CSMD1: variants seen among roughly 807,000 people sequenced by gnomAD.
The protein encoded by CSMD1 is CUB and sushi domain-containing protein 1.
In CSMD1, 213 loss-of-function variants were observed where a neutral mutation model predicts 417.5. The ratio of observed to expected loss-of-function variants is 0.51; its 90% CI spans 0.46 to 0.57. CSMD1 has a LOEUF of 0.57. CSMD1 is among the 20% of genes least tolerant of loss of function. CSMD1 has a pLI of 0.00. For missense variants in CSMD1, 6,923 were observed against 4,529.7 expected (o/e 1.53, Z -15.17); for synonymous variants, 2,862 against 1,736.8 (o/e 1.65, Z -16.11).
rs535691437 is a variant in CSMD1, at chr8:3,479,991, A to G, written c.1449-11167T>C. 5.0e-4 allele frequency among the ~76,000 whole-genome samples: 76 copies of G among 152,340 alleles called. 1 individual carries two copies. The highest frequency in any genetic ancestry group is 1.8e-3 in the African/African-American group (75 of 41,584). On this transcript the variant is annotated intron_variant, in intron 11 of 69. Transcript: ENST00000635120. ...TTTGCTTAATATTAAAATTGAAATGAGCAATAATAGAATCAGTGAACTTGA... is the reference window on the plus strand; with the variant it reads ...TTTGCTTAATATTAAAATTGAAATGGGCAATAATAGAATCAGTGAACTTGA...
intron 1 of CSMD1, among the ~76,000 whole-genome samples, chr8:4,978,557 T>C (rs1447833549): frequency 2.0e-5 from 3 of 152,204 alleles, no homozygotes; most frequent in Non-Finnish European, 4.4e-5. Context: ...TTAACTATGT[T>C]TTTCAAATGG....
intron 1 of CSMD1, among the ~76,000 whole-genome samples, chr8:4,886,464 T>C (rs1803747197): frequency 6.6e-6 from 1 of 152,070 alleles, no homozygotes; most frequent in South Asian, 2.1e-4. Context: ...TGTGGATTTC[T>C]TTATGATGTC....
At chr8:3,707,142 T>C (rs1398210242) in intron 7 of CSMD1, among the ~76,000 whole-genome samples, 1 of 152,188 alleles carries the variant, frequency 6.6e-6, no homozygotes, top group African/African-American at 2.4e-5. Context: ...TATGGATTAT[T>C]GTCACACAAG....
At chr8:3,797,199 C>A (rs1368397976) in intron 5 of CSMD1, among the ~76,000 whole-genome samples, 1 of 151,802 alleles carries the variant, frequency 6.6e-6, no homozygotes, top group Admixed American at 6.6e-5. Flanking sequence ...CAAAGAACTT[C>A]AATCTGAAAT....
intron 3 of CSMD1, among the ~76,000 whole-genome samples, chr8:4,099,308 C>A (rs935997816): frequency 2.0e-5 from 3 of 152,072 alleles, no homozygotes; most frequent in African/African-American, 4.8e-5. Context: ...TACTGAATTA[C>A]ATGAAGGAGC....
At chr8:3,813,601 G>A (rs747520027) in intron 5 of CSMD1, among the ~76,000 whole-genome samples, 8 of 152,036 alleles carry the variant, frequency 5.3e-5, no homozygotes, top group Non-Finnish European at 1.0e-4. Context: ...ATTTTAAAAA[G>A]AAATTCTTCA....
chr8:3,823,214 A>G, intron 5 of CSMD1, among the ~76,000 whole-genome samples: 1 of 152,118 alleles, frequency 6.6e-6, no homozygotes, highest in Non-Finnish European at 1.5e-5. Flanking sequence ...TTGGTGGGTT[A>G]TTAGTTTAGG....
chr8:3,244,315 C>A (rs1799737179), intron 26 of CSMD1, among the ~76,000 whole-genome samples: 1 of 152,112 alleles, frequency 6.6e-6, no homozygotes, highest in Admixed American at 6.6e-5. Flanking sequence ...CAGGCTGCGG[C>A]AATTTAGGAA....
At chr8:4,594,591 AAC>A (rs1800160079) in intron 2 of CSMD1, among the ~76,000 whole-genome samples, 1 of 152,178 alleles carries the variant, frequency 6.6e-6, no homozygotes, top group Admixed American at 6.5e-5. Context: ...GGCACAACTT[AAC>A]CCATAACAGG....
intron 28 of CSMD1, among the ~76,000 whole-genome samples, chr8:3,222,216 G>GA (rs1253528855): frequency 6.6e-6 from 1 of 152,056 alleles, no homozygotes; most frequent in Non-Finnish European, 1.5e-5. Flanking sequence ...AAAACGCAGT[G>GA]AAAAAACCCT....
At chr8:3,515,388 T>C (rs1010082620) in intron 10 of CSMD1, 2 of 152,234 alleles carry the variant, frequency 1.3e-5, no homozygotes, top group Non-Finnish European at 2.9e-5. Flanking sequence ...AGGCTCTTTA[T>C]GATCTTGAAA....
intron 2 of CSMD1, among the ~76,000 whole-genome samples, chr8:4,589,272 T>A (rs2130725905): frequency 6.6e-6 from 1 of 152,294 alleles, no homozygotes; most frequent in East Asian, 1.9e-4. Context: ...AAATTTGTGT[T>A]TTGCCTCTGC....
intron 49 of CSMD1, among the ~76,000 whole-genome samples, chr8:3,072,495 G>T (rs1252582568): frequency 6.6e-6 from 1 of 152,164 alleles, no homozygotes; most frequent in Non-Finnish European, 1.5e-5. Flanking sequence ...ACCAGAAAAT[G>T]TTCCACCAAG....
At chr8:3,178,426 G>C (rs1417513591) in intron 37 of CSMD1, among the ~76,000 whole-genome samples, 3 of 151,820 alleles carry the variant, frequency 2.0e-5, no homozygotes, top group African/African-American at 7.3e-5. Flanking sequence ...AGAGAGCACT[G>C]ACCTTTGGTG....
chr8:4,617,359 G>C (rs938318542), intron 2 of CSMD1, among the ~76,000 whole-genome samples: 1 of 152,106 alleles, frequency 6.6e-6, no homozygotes, highest in Admixed American at 6.6e-5. Context: ...TGTAAACAGA[G>C]CTGATTACAA....
At chr8:3,043,788 A>G (rs1350779118) in intron 50 of CSMD1, 1 of 152,448 alleles carries the variant, frequency 6.6e-6, no homozygotes, top group Non-Finnish European at 1.5e-5. Context: ...TGAATTCAAA[A>G]AACACATTAT....
intron 3 of CSMD1, among the ~76,000 whole-genome samples, chr8:4,322,798 C>A (rs1225139343): frequency 6.6e-6 from 1 of 152,120 alleles, no homozygotes; most frequent in Non-Finnish European, 1.5e-5. Flanking sequence ...AGTACAAGAC[C>A]AGCCTGGCCA....
chr8:2,945,928 T>G lies in CSMD1; in HGVS notation c.10403-3324A>C, dbSNP rs546621606. Among the ~76,000 whole-genome samples the G allele has an allele frequency of 5.9e-5, 9 of 152,354 alleles. No homozygotes were observed. In the South Asian group the frequency reaches 1.2e-3, roughly 21 times the overall value. On this transcript the variant is annotated intron_variant, in intron 68 of 69. Coordinates refer to ENST00000635120, the MANE Select transcript of CSMD1 (RefSeq NM_033225.6). ...TCATTCAATTTTCTAAAGAGCATTA[T>G]TGAAACAAATGCACATCCTGTCACG... is the stretch of plus-strand genomic sequence containing the variant.
rs547557638 is a variant in CSMD1 at position 3,776,132 on chromosome 8, A to G, written c.819-22090T>C. ...TCCTTCCTTCCTTCTTCTTACCTGC[A>G]CACACTCTGCTCATCTGCACATCAT... On this transcript the variant is annotated intron_variant, in intron 5 of 69. Coordinates refer to ENST00000635120, the MANE Select transcript of CSMD1 (RefSeq NM_033225.6). Among the ~76,000 whole-genome samples the G allele has an allele frequency of 2.0e-3, 306 of 152,108 alleles. 1 individual carries two copies. The highest frequency in any genetic ancestry group is 3.4e-3 in the Non-Finnish European group (229 of 67,984).
Sources: allele counts gnomAD v4.1 joint callset (sites outside exome capture counted in the v4.1 genomes callset), GRCh38; gene constraint gnomAD v4.1.1; transcripts MANE v1.5; gene names NCBI Gene and HGNC (gene_info 2026-07-23, HGNC 2026-07-21).